VDAC3: variants seen among roughly 807,000 people sequenced by gnomAD.
VDAC3 encodes voltage dependent anion channel 3, also known as non-selective voltage-gated ion channel VDAC3.
VDAC3 carries 7 observed loss-of-function variants against 33.9 expected under a neutral mutation model. That is an observed-to-expected ratio of 0.21 (90% confidence interval 0.12 to 0.39). VDAC3 has a LOEUF of 0.39. Ranked by LOEUF, VDAC3 falls within the 10% of genes least tolerant of loss-of-function variation. The pLI is 1.00. For synonymous variants in VDAC3, 100 were observed against 122.4 expected (o/e 0.82, Z 1.21); for missense variants, 261 against 334.5 (o/e 0.78, Z 1.71).
intron 4 of VDAC3, among the ~76,000 whole-genome samples, chr8:42,395,721 AG>A (rs1802298616): frequency 6.6e-6 from 1 of 152,154 alleles, no homozygotes; most frequent in South Asian, 2.1e-4. Context: ...GCACTTTGGG[AG>A]GCCGAGGTGG....
rs779554872 is a variant in VDAC3, at chr8:42,395,144, A to T, written c.117+11A>T. 6.2e-7 allele frequency: 1 copy of T among 1,613,716 alleles called. No individual in the cohort carries two copies. The highest frequency in any genetic ancestry group is 8.5e-7 in the Non-Finnish European group (1 of 1,179,866). On this transcript the variant is annotated intron_variant, in intron 4 of 9. Coordinates refer to ENST00000022615, the MANE Select transcript of VDAC3 (RefSeq NM_005662.7). ...TCTTGTAGTGGAGTGGTGAGTATCTAATATATTTTTAATGAATGTAACATA... is the reference window on the plus strand; with the variant it reads ...TCTTGTAGTGGAGTGGTGAGTATCTTATATATTTTTAATGAATGTAACATA...
intron 8 of VDAC3, 108 bp downstream of exon 8, chr8:42,403,569 C>T (rs1802452103): frequency 7.5e-6 from 9 of 1,200,550 alleles, no homozygotes; most frequent in Non-Finnish European, 1.0e-5. Flanking sequence ...TTTTAATAAG[C>T]CAGCTCATTG....
chr8:42,405,270 C>T (rs1802480416), intron 9 of VDAC3, 101 bp from the exon 10 acceptor site: 4 of 928,166 alleles, frequency 4.3e-6, no homozygotes, highest in Non-Finnish European at 6.8e-6. Flanking sequence ...CTCGTATACC[C>T]AGCTACAATC....
At position 42,405,615 on chromosome 8, in the gene VDAC3, G is replaced by A; in HGVS notation, c.*153G>A. On this transcript the variant is annotated 3_prime_UTR_variant, in exon 10 of 10. Transcript: ENST00000022615. ...ATCCTCCCCACACTGAAGTCTAGGG[G>A]TTGCGAATCCCTCCTGAGGGAGATG... The A allele has an allele frequency of 3.1e-6, 2 of 638,196 alleles. No homozygotes were observed. Among genetic ancestry groups the A allele is most frequent in the Non-Finnish European group, 2.7e-6 (1 of 370,710 alleles). The allele number at this position is 638,196 out of a possible 1,614,324, so 39.5% of individuals were successfully genotyped here.
At chr8:42,398,643 G>C in intron 4 of VDAC3, 69 bp from the exon 5 acceptor site, 1 of 1,531,642 alleles carries the variant, frequency 6.5e-7, no homozygotes. Context: ...ATTGAACACT[G>C]CTTTCCAAAG....
chr8:42,398,638 A>C (rs937894111), intron 4 of VDAC3, 74 bp from the exon 5 acceptor site: 1 of 1,502,454 alleles, frequency 6.7e-7, no homozygotes, highest in African/African-American at 1.4e-5. Context: ...GATACATTGA[A>C]CACTGCTTTC....
intron 4 of VDAC3, 146 bp downstream of exon 4, chr8:42,395,279 C>A (rs1236171953): frequency 1.6e-6 from 2 of 1,268,508 alleles, no homozygotes; most frequent in Non-Finnish European, 2.1e-6. Flanking sequence ...GCATTCTTAG[C>A]CAATTAAAAT....
At chr8:42,399,152 T>TGAG (rs1802372068) in intron 5 of VDAC3, among the ~76,000 whole-genome samples, 1 of 152,182 alleles carries the variant, frequency 6.6e-6, no homozygotes, top group African/African-American at 2.4e-5. Flanking sequence ...GTTTTGTAAT[T>TGAG]GTTGAAAAAT....
At chr8:42,395,040 C>A in intron 3 of VDAC3, 44 bp from the exon 4 acceptor site, 1 of 1,611,116 alleles carries the variant, frequency 6.2e-7, no homozygotes, top group South Asian at 1.1e-5. Context: ...TAGTGAATGT[C>A]ACATTTTGTA....
At chr8:42,392,316 G>C (rs1020853581) in intron 1 of VDAC3, among the ~76,000 whole-genome samples, 2 of 152,230 alleles carry the variant, frequency 1.3e-5, no homozygotes, top group African/African-American at 4.8e-5. Flanking sequence ...AATTCAAAAC[G>C]GAGAAGCGAG....
At chr8:42,393,780 C>A (rs1802251337) in intron 1 of VDAC3, 65 bp from the exon 2 acceptor site, 2 of 404,222 alleles carry the variant, frequency 4.9e-6, no homozygotes, top group South Asian at 1.1e-4. Context: ...AAAATGTTAA[C>A]CCTGAGGATT....
chr8:42,396,527 G>A (rs752493957), intron 4 of VDAC3: 3 of 576,966 alleles, frequency 5.2e-6, no homozygotes, highest in East Asian at 2.9e-5. Flanking sequence ...ACTAAGATGG[G>A]CACGCTGTGT....
At chr8:42,395,747 C>T (rs1459357594) in intron 4 of VDAC3, among the ~76,000 whole-genome samples, 1 of 151,910 alleles carries the variant, frequency 6.6e-6, no homozygotes, top group Non-Finnish European at 1.5e-5. Flanking sequence ...GTCATGAGGT[C>T]AGGAGTTCGA....
intron 4 of VDAC3, among the ~76,000 whole-genome samples, chr8:42,396,040 G>T (rs958025710): frequency 5.3e-5 from 8 of 151,250 alleles, no homozygotes; most frequent in Non-Finnish European, 2.9e-5. Context: ...GGCGGATCAC[G>T]AGGTCAGGAG....
At position 42,401,816 on chromosome 8, in the gene VDAC3, T is replaced by A; in HGVS notation, c.352T>A (p.Tyr118Asn). 6.2e-7 allele frequency: 1 copy of A among 1,614,248 alleles called. No individual in the cohort carries two copies. The highest frequency in any genetic ancestry group is 8.5e-7 in the Non-Finnish European group (1 of 1,180,036). The change falls in exon 7 of 10, where the codon TAT (tyrosine) becomes AAT (asparagine). Residue 118 changes from tyrosine to asparagine, a missense_variant. Transcript: ENST00000022615. ...GAAGAGTGGGAAATTGAAGGCCTCC[T>A]ATAAACGGGATTGTTTTAGTGTTGG... ...GKKSGKLKAS[Y>N]KRDCFSVGSN... is the part of the protein sequence containing the mutation.
chr8:42,403,057 G>A (rs554492296), intron 7 of VDAC3: 39 of 479,888 alleles, frequency 8.1e-5, no homozygotes, highest in African/African-American at 7.6e-4. Context: ...TAATTGAATT[G>A]TCTTAAGAAA....
intron 6 of VDAC3, 149 bp downstream of exon 6, chr8:42,399,852 C>A: frequency 1.6e-6 from 1 of 625,920 alleles, no homozygotes; most frequent in South Asian, 2.6e-5. Context: ...ATAGGTAATA[C>A]AGATAAAGGA....
intron 5 of VDAC3, 113 bp downstream of exon 5, chr8:42,398,977 T>A: frequency 7.8e-7 from 1 of 1,281,622 alleles, no homozygotes; most frequent in Non-Finnish European, 1.1e-6. Flanking sequence ...AGTAGCCATA[T>A]TTTTTCTCTG....
chr8:42,401,122 T>G (rs1802408511), intron 6 of VDAC3, among the ~76,000 whole-genome samples: 1 of 152,250 alleles, frequency 6.6e-6, no homozygotes, highest in African/African-American at 2.4e-5. Flanking sequence ...TTGGAAACAT[T>G]TAAAGAGATT....
Sources: allele counts gnomAD v4.1 joint callset (sites outside exome capture counted in the v4.1 genomes callset), GRCh38; gene constraint gnomAD v4.1.1; transcripts MANE v1.5; gene names NCBI Gene and HGNC (gene_info 2026-07-23, HGNC 2026-07-21).